Variants in CLNK observed in about 807,000 individuals in gnomAD.
CLNK encodes the protein cytokine-dependent hematopoietic cell linker.
In CLNK, 74 loss-of-function variants were observed where a neutral mutation model predicts 68.6. That is an observed-to-expected ratio of 1.08 (90% CI 0.89 to 1.31). The LOEUF is 1.31. Ranked by LOEUF, CLNK falls within the 50% of genes most tolerant of loss-of-function variation. CLNK has a pLI of 0.00. For synonymous variants in CLNK, 198 were observed against 172.2 expected, an observed-to-expected ratio of 1.15 and a Z score of -1.17; for missense variants, 553 against 515.3, an observed-to-expected ratio of 1.07 and a Z score of -0.71.
At chr4:10,503,240 C>T (rs1028064943) in intron 17 of CLNK, among the ~76,000 whole-genome samples, 2 of 152,060 alleles carry the variant, frequency 1.3e-5, no homozygotes, top group Non-Finnish European at 2.9e-5. Flanking sequence ...GCGGGTGGAT[C>T]ACTTGAGGTC....
chr4:10,548,378 C>G (rs545965618), intron 8 of CLNK, among the ~76,000 whole-genome samples: 12 of 152,298 alleles, frequency 7.9e-5, no homozygotes, highest in African/African-American at 2.9e-4. Context: ...TCAGTTGTAT[C>G]AGTTCCTTGT....
intron 2 of CLNK, among the ~76,000 whole-genome samples, chr4:10,631,293 C>A (rs1722881040): frequency 3.3e-5 from 5 of 152,158 alleles, no homozygotes; most frequent in Admixed American, 2.6e-4. Context: ...GCTGAGTACT[C>A]CAGCTGCCTT....
At chr4:10,614,125 T>C (rs545576263) in intron 2 of CLNK, among the ~76,000 whole-genome samples, 5 of 152,352 alleles carry the variant, frequency 3.3e-5, no homozygotes, top group African/African-American at 7.2e-5. Flanking sequence ...GAGAGTCTTC[T>C]GGCTCAAACT....
chr4:10,728,708 C>T, the CLNK span, among the ~76,000 whole-genome samples: 2 of 151,620 alleles, frequency 1.3e-5, no homozygotes, highest in East Asian at 1.9e-4. Flanking sequence ...CCTGCCTCAG[C>T]CTCCTGAATA....
the CLNK span, among the ~76,000 whole-genome samples, chr4:10,699,603 C>T: frequency 6.8e-6 from 1 of 146,018 alleles, no homozygotes; most frequent in African/African-American, 2.6e-5. Context: ...ACTTCCACCT[C>T]CCAGGTTCAA....
At chr4:10,492,264 G>A (rs952715420) in intron 18 of CLNK, among the ~76,000 whole-genome samples, 3 of 152,140 alleles carry the variant, frequency 2.0e-5, no homozygotes, top group African/African-American at 7.2e-5. Context: ...TTTGCCTATA[G>A]CTTGTGACCT....
At chr4:10,563,176 C>T (rs1719966424) in intron 7 of CLNK, among the ~76,000 whole-genome samples, 1 of 152,132 alleles carries the variant, frequency 6.6e-6, no homozygotes, top group African/African-American at 2.4e-5. Context: ...TCAAGTTAAA[C>T]AGACAATGAA....
chr4:10,676,081 ATG>A (rs894066199), intron 1 of CLNK, among the ~76,000 whole-genome samples: 10 of 135,962 alleles, frequency 7.4e-5, no homozygotes, highest in Admixed American at 1.5e-4. Context: ...GTGTGTGTCT[ATG>A]TGTGTGTGTG....
Position 10,512,233 on chromosome 4 carries a change from AT to A in CLNK, c.906+1230del, listed in dbSNP as rs199665271. Reference sequence around the variant, plus strand: ...AAGGGACAATAAAAGAAGGATATGCATTTTTTTTTTTTTTTGTGATGAAGTC... The same window carrying A: ...AAGGGACAATAAAAGAAGGATATGCATTTTTTTTTTTTTTGTGATGAAGTC... On this transcript the variant is annotated intron_variant, in intron 16 of 18. Coordinates refer to ENST00000226951, the MANE Select transcript of CLNK (RefSeq NM_052964.4). 8.0e-3 allele frequency among the ~76,000 whole-genome samples: 1,138 copies of A among 141,490 alleles called. 7 individuals are homozygous for A. The highest frequency in any genetic ancestry group is 0.014 in the East Asian group (70 of 4,860). 92.8% of individuals were successfully genotyped at this position (141,490 alleles called of 152,430 possible).
At chr4:10,685,416 C>T (rs1209884236), upstream of CLNK, among the ~76,000 whole-genome samples, 2 of 151,960 alleles carry the variant, frequency 1.3e-5, no homozygotes, top group African/African-American at 4.8e-5. Context: ...AGAAGTATTT[C>T]AATAAATAAA....
chr4:10,684,054 C>T (rs563202391), intron 1 of CLNK, among the ~76,000 whole-genome samples: 9 of 152,252 alleles, frequency 5.9e-5, no homozygotes, highest in Non-Finnish European at 1.2e-4. Flanking sequence ...AGTTTGTTTG[C>T]TTTATCCAAT....
At chr4:10,645,112 C>T (rs576103902) in intron 2 of CLNK, among the ~76,000 whole-genome samples, 1 of 152,312 alleles carries the variant, frequency 6.6e-6, no homozygotes, top group African/African-American at 2.4e-5. Context: ...AAAATAAATA[C>T]TTATTCCAAA....
At chr4:10,659,493 G>C (rs1021585775) in intron 2 of CLNK, among the ~76,000 whole-genome samples, 1 of 152,222 alleles carries the variant, frequency 6.6e-6, no homozygotes, top group Non-Finnish European at 1.5e-5. Flanking sequence ...GATTATTGCA[G>C]AGCTATACTT....
chr4:10,620,984 C>A (rs1722429176), intron 2 of CLNK, among the ~76,000 whole-genome samples: 1 of 151,764 alleles, frequency 6.6e-6, no homozygotes, highest in African/African-American at 2.4e-5. Context: ...GTGGTGGGCA[C>A]CTGTAGTCCC....
intron 4 of CLNK, among the ~76,000 whole-genome samples, chr4:10,582,133 A>G (rs895303140): frequency 6.6e-5 from 10 of 152,226 alleles, no homozygotes; most frequent in Admixed American, 5.9e-4. Flanking sequence ...GGCTTGTCCC[A>G]GAGATTCAAC....
At chr4:10,588,036 T>C (rs1356090384) in intron 3 of CLNK, among the ~76,000 whole-genome samples, 2 of 152,214 alleles carry the variant, frequency 1.3e-5, no homozygotes, top group Non-Finnish European at 2.9e-5. Flanking sequence ...TCTTCTCTGA[T>C]GTCTTGGTCT....
At chr4:10,537,706 C>CCTTCCTTCCTTTCTTT (rs1553848181) in intron 11 of CLNK, among the ~76,000 whole-genome samples, 6 of 13,402 alleles carry the variant, frequency 4.5e-4, no homozygotes, top group African/African-American at 5.4e-4. Flanking sequence ...TTCCTTCCTT[C>CCTTCCTTCCTTTCTTT]CTTTCTTTCT....
At chr4:10,685,544 C>T (rs115583306), upstream of CLNK, among the ~76,000 whole-genome samples, 239 of 152,260 alleles carry the variant, frequency 1.6e-3, no homozygotes, top group African/African-American at 5.7e-3. Context: ...TGCCTGTTTC[C>T]TCTTCTGGAG....
intron 12 of CLNK, among the ~76,000 whole-genome samples, chr4:10,530,352 G>T (rs975136598): frequency 6.6e-6 from 1 of 152,176 alleles, no homozygotes; most frequent in African/African-American, 2.4e-5. Flanking sequence ...GCACATAAAA[G>T]ATTCTAGTCC....
Sources: gnomAD v4.1 joint callset for allele counts (sites outside exome capture counted in the v4.1 genomes callset) on GRCh38, gnomAD v4.1.1 for gene constraint, MANE v1.5 for transcripts, NCBI Gene and HGNC (gene_info 2026-07-23, HGNC 2026-07-21) for gene names.